Variants in CDHR2 observed in about 807,000 individuals in gnomAD.
CDHR2 encodes cadherin related family member 2.
Under a neutral mutation model 138.6 loss-of-function variants are expected in CDHR2, and 104 were observed. The observed-to-expected ratio is 0.75, with a 90% CI of 0.64 to 0.88. CDHR2 has a LOEUF of 0.88. Ranked by LOEUF, CDHR2 falls within the 40% of genes least tolerant of loss-of-function variation. The pLI, the probability that CDHR2 is intolerant of heterozygous loss-of-function variation, is 0.00. For synonymous variants in CDHR2, 755 were observed against 742.8 expected (o/e 1.02, Z -0.27); for missense variants, 1,624 against 1,727.6 (o/e 0.94, Z 1.06).
At chr5:176,559,721 T>A (rs66531860) in intron 1 of CDHR2, among the ~76,000 whole-genome samples, 133 of 143,508 alleles carry the variant, frequency 9.3e-4, no homozygotes, top group Middle Eastern at 3.6e-3. Flanking sequence ...GCATTTTTTT[T>A]AAAATCTATA....
At chr5:176,581,266 G>A in intron 16 of CDHR2, 77 bp from the exon 17 acceptor site, 2 of 1,576,776 alleles carry the variant, frequency 1.3e-6, no homozygotes, top group Non-Finnish European at 1.7e-6. Context: ...CGCTGGAGAG[G>A]AGGGTCCGGC....
At chr5:176,574,431 A>G (rs904571015) in intron 7 of CDHR2, among the ~76,000 whole-genome samples, 1 of 152,192 alleles carries the variant, frequency 6.6e-6, no homozygotes, top group Non-Finnish European at 1.5e-5. Flanking sequence ...TTCCACAGAC[A>G]ATAAGGGGTG....
chr5:176,569,386 C>T (rs1389072728), intron 5 of CDHR2, among the ~76,000 whole-genome samples: 4 of 151,486 alleles, frequency 2.6e-5, no homozygotes, highest in Admixed American at 6.6e-5. Context: ...TGGGTTGACG[C>T]CATTCTCCTG....
At chr5:176,580,835 G>A (rs1330025490) in intron 16 of CDHR2, among the ~76,000 whole-genome samples, 2 of 152,124 alleles carry the variant, frequency 1.3e-5, no homozygotes, top group African/African-American at 4.8e-5. Flanking sequence ...AAGAGAGATC[G>A]CACCATTGCA....
At position 176,575,390 on chromosome 5, in the gene CDHR2, G is replaced by T. The variant is rs780808780; in HGVS notation, c.732G>T (p.Glu244Asp). Residue 244 changes from glutamate to aspartate, a missense_variant, in exon 9 of 32, where the codon GAG becomes GAT. Coordinates refer to ENST00000261944, the MANE Select transcript of CDHR2 (RefSeq NM_017675.6). ...ACCTTGACCCCCAGTTTGTCAGGGA[G>T]TTTTACTCGGCCTCTGTGGCTGAGG... ...QPDLDPQFVR[E>D]FYSASVAEDA... The T allele has an allele frequency of 1.9e-6, 3 of 1,614,262 alleles. No homozygotes were observed. Among genetic ancestry groups the T allele is most frequent in the Admixed American group, 1.7e-5 (1 of 60,032 alleles).
rs971684365 is a variant in CDHR2 at position 176,577,806 on chromosome 5, A to G, written c.1512+8A>G. On this transcript the variant is annotated splice_region_variant and intron_variant, in intron 14 of 31. Transcript: ENST00000261944. Reference sequence around the variant, plus strand: ...GTCACCGACAGCATCCACGTGAGTGATGTGGACACAGTGGGGCTGTGGGGT... The same window carrying G: ...GTCACCGACAGCATCCACGTGAGTGGTGTGGACACAGTGGGGCTGTGGGGT... The G allele has an allele frequency of 1.9e-6, 3 of 1,613,698 alleles. No homozygotes were observed. The highest frequency in any genetic ancestry group is 2.5e-6 in the Non-Finnish European group (3 of 1,179,814).
At chr5:176,548,257 T>A (rs1757627655), upstream of CDHR2, among the ~76,000 whole-genome samples, 1 of 152,280 alleles carries the variant, frequency 6.6e-6, no homozygotes, top group Non-Finnish European at 1.5e-5. Flanking sequence ...ATATATCTAT[T>A]GTGAATTAGA....
At chr5:176,565,600 CT>C in intron 2 of CDHR2, 71 bp from the exon 3 acceptor site, 22 of 1,417,036 alleles carry the variant, frequency 1.6e-5, no homozygotes, top group Non-Finnish European at 2.1e-5. Flanking sequence ...CTAGTGTGTG[CT>C]CCCAGGGGAG....
chr5:176,594,936 G>A (rs145043470), intron 31 of CDHR2, among the ~76,000 whole-genome samples: 1 of 152,198 alleles, frequency 6.6e-6, no homozygotes, highest in Non-Finnish European at 1.5e-5. Context: ...ATAAACTGCA[G>A]GTGGGACCAG....
In CDHR2 at chr5:176,575,289, G is replaced by A. The variant is rs1033139078; in HGVS notation, c.631G>A (p.Gly211Ser). 10 of 1,614,206 alleles carry A rather than the reference G, an allele frequency of 6.2e-6. No homozygotes were observed. The East Asian group carries it at 6.7e-5, about 11-fold the overall frequency. ...QLELKACDLGGMYHNTFTIQC... is the reference protein window; with the variant it reads ...QLELKACDLGSMYHNTFTIQC... ...GGCCATCTCCCCGCAGGACTTGGGC[G>A]GCATGTACCACAACACCTTCACCAT... is the stretch of plus-strand genomic sequence containing the variant. The change falls in exon 9 of 32, where the codon GGC becomes AGC. Residue 211 changes from glycine (G) to serine (S), a missense_variant. Around this residue, in one of 3 missense-constraint regions of CDHR2, gnomAD observed 1,061 missense variants for 1,136.6 expected, o/e 0.93. Coordinates refer to ENST00000261944, the MANE Select transcript of CDHR2 (RefSeq NM_017675.6).
chr5:176,595,450 G>C, intron 31 of CDHR2, 82 bp from the exon 32 acceptor site: 2 of 1,416,580 alleles, frequency 1.4e-6, no homozygotes, highest in Non-Finnish European at 1.9e-6. Flanking sequence ...TCGTGAGCTT[G>C]AAGCCCATCC....
chr5:176,557,011 TCTC>T (rs1757845995), intron 1 of CDHR2, among the ~76,000 whole-genome samples: 2 of 35,186 alleles, frequency 5.7e-5, no homozygotes, highest in Non-Finnish European at 2.7e-4. Flanking sequence ...TCTCTCTCTC[TCTC>T]TCTTTTTTTT....
rs114314722 is a variant in CDHR2 at position 176,590,138 on chromosome 5, T to C, written c.3267T>C (p.Ser1089=). 6.2e-7 allele frequency: 1 copy of C among 1,613,794 alleles called. No homozygotes were observed. Among genetic ancestry groups the C allele is most frequent in the Admixed American group, 1.7e-5 (1 of 60,024 alleles). The change falls in exon 25 of 32, where the codon TCT becomes TCC. Residue 1089 remains serine (S), a synonymous_variant. Coordinates refer to ENST00000261944, the MANE Select transcript of CDHR2 (RefSeq NM_017675.6). ...TTGTGGACATTCAGGACATAGATTCTGCAGCTCGGTGAGTGCCCAGAGGCC... is the reference window on the plus strand; with the variant it reads ...TTGTGGACATTCAGGACATAGATTCCGCAGCTCGGTGAGTGCCCAGAGGCC... ...VYIVDIQDID[S]AARARPHSYL...
Position 176,584,807 on chromosome 5 carries a change from G to A in CDHR2, c.2526G>A (p.Leu842=). ...VASDVDTSAQ[L]EIQLVNILCT... Reference sequence around the variant, plus strand: ...CGGATGTGGACACCAGTGCCCAGCTGGAGATACAGCTTGTGAACATTCTCT... The same window carrying A: ...CGGATGTGGACACCAGTGCCCAGCTAGAGATACAGCTTGTGAACATTCTCT... The change falls in exon 19 of 32, where the codon CTG becomes CTA. Residue 842 remains leucine (L), a synonymous_variant. Transcript: ENST00000261944. 1 of 1,614,218 alleles carries A rather than the reference G, an allele frequency of 6.2e-7. No individual in the cohort carries two copies.
At chr5:176,565,474 G>C (rs1561869557) in intron 2 of CDHR2, 70 bp downstream of exon 2, 16 of 1,476,656 alleles carry the variant, frequency 1.1e-5, no homozygotes, top group Non-Finnish European at 1.5e-5. Flanking sequence ...CCAGAAAGGA[G>C]GGGGATCCCT....
At chr5:176,586,740 C>T in intron 20 of CDHR2, 53 bp from the exon 21 acceptor site, 1 of 1,528,676 alleles carries the variant, frequency 6.5e-7, no homozygotes, top group Non-Finnish European at 8.9e-7. Flanking sequence ...CAGCCTTGGT[C>T]CAGGTGGGCA....
At chr5:176,577,874 G>GTT (rs1405051960) in intron 14 of CDHR2, 76 bp downstream of exon 14, 1 of 1,538,108 alleles carries the variant, frequency 6.5e-7, no homozygotes, top group East Asian at 2.3e-5. Flanking sequence ...GAGTGTGTGT[G>GTT]TGTGTATGTG....
At chr5:176,588,984 T>A in intron 21 of CDHR2, 47 bp from the exon 22 acceptor site, 1 of 1,601,852 alleles carries the variant, frequency 6.2e-7, no homozygotes, top group Non-Finnish European at 8.5e-7. Flanking sequence ...GGTGGAGGGA[T>A]GCCTGGCCTG....
rs747692593 is a variant in CDHR2, at chr5:176,575,165, TACA to T, written c.585_587del (p.Asn195del). 183 of 1,614,214 alleles carry T rather than the reference TACA, an allele frequency of 1.1e-4. No individual in the cohort carries two copies. In the East Asian group the frequency reaches 1.5e-3, roughly 14 times the overall value. On this transcript the variant is annotated inframe_deletion, in exon 8 of 32. Transcript: ENST00000261944. The stretch of plus-strand genomic sequence containing the variant: ...CATAGTCCTCAATGGCAGCCTCAGC[TACA>T]ACAACAAGAGCGCTTTCTACCAGCT...
Sources: gnomAD v4.1 joint callset for allele counts (sites outside exome capture counted in the v4.1 genomes callset) on GRCh38, gnomAD v4.1.1 for gene constraint, gnomAD v4.1.1 regional missense constraint, MANE v1.5 for transcripts, NCBI Gene and HGNC (gene_info 2026-07-23, HGNC 2026-07-21) for gene names.